MOCS1: variants seen among roughly 807,000 people sequenced by gnomAD.
MOCS1 encodes molybdenum cofactor biosynthesis protein 1.
Under a neutral mutation model 57.6 loss-of-function variants are expected in MOCS1, and 39 were observed. That is an observed-to-expected ratio of 0.68 (90% CI 0.52 to 0.88). The LOEUF (loss-of-function observed/expected upper bound fraction) is 0.88. Among genes scored for constraint, MOCS1 ranks in the 40% least tolerant of loss-of-function variants. The pLI is 0.00. For missense variants in MOCS1, 795 were observed against 831.1 expected (o/e 0.96, Z 0.53); for synonymous variants, 334 against 335.7 (o/e 1.00, Z 0.05).
At chr6:39,932,556 C>T (rs1287411519) in intron 1 of MOCS1, 4 of 152,256 alleles carry the variant, frequency 2.6e-5, no homozygotes, top group Non-Finnish European at 5.9e-5. Flanking sequence ...CCTGCACAAC[C>T]CTGCGTTAAG....
chr6:39,916,333 G>C (rs1767661122), intron 3 of MOCS1, 101 bp from the exon 4 acceptor site: 4 of 1,420,720 alleles, frequency 2.8e-6, no homozygotes, highest in Non-Finnish European at 3.9e-6. Context: ...AAGATGGATG[G>C]AAAAGAGGCT....
At chr6:39,908,285 C>G (rs1007004770) in intron 10 of MOCS1, among the ~76,000 whole-genome samples, 1 of 152,072 alleles carries the variant, frequency 6.6e-6, no homozygotes, top group Admixed American at 6.5e-5. Flanking sequence ...TTTTTCTTTC[C>G]TAGTGGCACA....
At chr6:39,927,477 G>A (rs1768390280) in intron 1 of MOCS1, 22 bp from the exon 2 acceptor site, 2 of 1,610,006 alleles carry the variant, frequency 1.2e-6, no homozygotes, top group Non-Finnish European at 1.7e-6. Context: ...GACCAGGGAG[G>A]AAGCATGGGC....
chr6:39,934,447 G>A lies in MOCS1; in HGVS notation c.-30C>T, dbSNP rs748521963. On this transcript the variant is annotated 5_prime_UTR_variant, in exon 1 of 11. Transcript: ENST00000340692. ...CCTGATACGAGCGGAACCGCAGCCC[G>A]CTTCGGGAGCACACTGGCCGGGCAC... 51 of 1,558,938 alleles carry A rather than the reference G, an allele frequency of 3.3e-5. No homozygotes were observed. The highest frequency in any genetic ancestry group is 3.7e-5 in the Admixed American group (2 of 54,064).
At position 39,906,081 on chromosome 6, in the gene MOCS1, C is replaced by T. The variant is rs1026821447; in HGVS notation, c.*276G>A. ...ACAAAGAACATGATTTCTCAGTTATCTGGCATTGCTTGTTGCAGTCCCGCT... is the reference window on the plus strand; with the variant it reads ...ACAAAGAACATGATTTCTCAGTTATTTGGCATTGCTTGTTGCAGTCCCGCT... On this transcript the variant is annotated 3_prime_UTR_variant, in exon 11 of 11. Coordinates refer to ENST00000340692, the MANE Select transcript of MOCS1 (RefSeq NM_001358530.2). The T allele has an allele frequency of 4.6e-6, 3 of 652,076 alleles. No homozygotes were observed. Among genetic ancestry groups the T allele is most frequent in the African/African-American group, 3.6e-5 (2 of 55,984 alleles). 40.4% of individuals were successfully genotyped at this position (652,076 alleles called of 1,614,324 possible).
chr6:39,928,250 C>T (rs1298678864), intron 1 of MOCS1, among the ~76,000 whole-genome samples: 1 of 151,638 alleles, frequency 6.6e-6, no homozygotes, highest in Non-Finnish European at 1.5e-5. Context: ...CTGCAAACTC[C>T]ACCTCCCAGA....
chr6:39,905,819 T>A lies in MOCS1; in HGVS notation c.*538A>T, dbSNP rs1562080389. On this transcript the variant is annotated 3_prime_UTR_variant, in exon 11 of 11. Transcript: ENST00000340692. ...GACTTGGGCAGAAGGAGAGATGAAG[T>A]CAGGACAGGACAGGACAGGGCAGGG... 2 of 469,284 alleles carry A rather than the reference T, an allele frequency of 4.3e-6. No homozygotes were observed. The highest frequency in any genetic ancestry group is 2.4e-5 in the Admixed American group (1 of 42,474). 29.1% of individuals were successfully genotyped at this position (469,284 alleles called of 1,614,324 possible).
intron 1 of MOCS1, among the ~76,000 whole-genome samples, chr6:39,928,228 G>A (rs1020817370): frequency 1.3e-5 from 2 of 150,394 alleles, no homozygotes; most frequent in African/African-American, 4.9e-5. Flanking sequence ...GCAGTAGCGC[G>A]ATCTTGGCTC....
rs771151055 is a variant in MOCS1 at position 39,906,109 on chromosome 6, C to G, written c.*248G>C. 2.4e-5 allele frequency: 16 copies of G among 671,036 alleles called. No individual in the cohort carries two copies. Among genetic ancestry groups the G allele is most frequent in the Non-Finnish European group, 3.8e-5 (14 of 368,032 alleles). The allele number at this position is 671,036 out of a possible 1,614,324, so 41.6% of individuals were successfully genotyped here. On this transcript the variant is annotated 3_prime_UTR_variant, in exon 11 of 11. Coordinates refer to ENST00000340692, the MANE Select transcript of MOCS1 (RefSeq NM_001358530.2). ...GCATTGCTTGTTGCAGTCCCGCTCC[C>G]ACGACCTTAGTGTCCTGGAAGGCTT... is the stretch of plus-strand genomic sequence containing the variant.
chr6:39,920,132 C>G (rs1767882814), intron 3 of MOCS1, among the ~76,000 whole-genome samples: 1 of 152,094 alleles, frequency 6.6e-6, no homozygotes, highest in African/African-American at 2.4e-5. Context: ...AGGAATTACA[C>G]AGTAAAATAT....
In MOCS1 at chr6:39,927,388, C is replaced by A; in HGVS notation, c.191G>T (p.Ser64Ile). The change falls in exon 2 of 11, where the codon AGC becomes ATC. Residue 64 changes from serine (S) to isoleucine (I), a missense_variant. Ser to Ile is a moderately radical substitution (Grantham distance 142). Transcript: ENST00000340692. Reference protein sequence around the residue: ...AAPFSAFLTDSFGRQHSYLRI... With the variant: ...AAPFSAFLTDIFGRQHSYLRI... ...CAGGTAGCTGTGCTGCCGGCCGAAG[C>A]TGTCTGTGAGGAAGGCGGAGAAGGG... is the stretch of plus-strand genomic sequence containing the variant. 6.2e-7 allele frequency: 1 copy of A among 1,612,824 alleles called. No homozygotes were observed. Among genetic ancestry groups the A allele is most frequent in the Non-Finnish European group, 8.5e-7 (1 of 1,179,890 alleles).
chr6:39,932,783 T>C (rs1768707962), intron 1 of MOCS1, among the ~76,000 whole-genome samples: 1 of 152,242 alleles, frequency 6.6e-6, no homozygotes, highest in Admixed American at 6.5e-5. Context: ...AGCACTTACA[T>C]GGGCTAAGCT....
At chr6:39,908,109 G>C (rs568373420) in intron 10 of MOCS1, among the ~76,000 whole-genome samples, 90 of 152,316 alleles carry the variant, frequency 5.9e-4, no homozygotes, top group African/African-American at 2.1e-3. Context: ...GAGAGGAGAT[G>C]AGAGTCTTCT....
At chr6:39,913,914 C>G in intron 4 of MOCS1, 79 bp from the exon 5 acceptor site, 1 of 1,413,132 alleles carries the variant, frequency 7.1e-7, no homozygotes. Flanking sequence ...AGCACCAGAG[C>G]CCATCTAGTC....
chr6:39,923,310 C>T (rs1768080999), intron 3 of MOCS1, among the ~76,000 whole-genome samples: 1 of 152,332 alleles, frequency 6.6e-6, no homozygotes, highest in South Asian at 2.1e-4. Flanking sequence ...GAAACTGAGG[C>T]CCTCGGTGGG....
At chr6:39,918,302 A>C (rs967080809) in intron 3 of MOCS1, among the ~76,000 whole-genome samples, 7 of 152,256 alleles carry the variant, frequency 4.6e-5, no homozygotes, top group African/African-American at 1.4e-4. Flanking sequence ...AAAGTGCTCA[A>C]GTGAAGCCAA....
chr6:39,932,325 A>C (rs982245363), intron 1 of MOCS1: 4 of 152,210 alleles, frequency 2.6e-5, no homozygotes, highest in African/African-American at 9.7e-5. Flanking sequence ...TCTCCTCAAG[A>C]CAAGTTTCTG....
At chr6:39,923,836 T>C (rs78643010) in intron 3 of MOCS1, among the ~76,000 whole-genome samples, 5,174 of 152,310 alleles carry the variant, frequency 0.034, 147 homozygotes, top group Admixed American at 0.092. Context: ...GCTCCCCTTA[T>C]ACAGCAGCTG....
At chr6:39,915,185 T>A (rs1767585589) in intron 4 of MOCS1, among the ~76,000 whole-genome samples, 1 of 152,214 alleles carries the variant, frequency 6.6e-6, no homozygotes, top group African/African-American at 2.4e-5. Context: ...ATGTCTTATG[T>A]GTCTTCTGTC....
Sources: gnomAD v4.1 joint callset for allele counts (sites outside exome capture counted in the v4.1 genomes callset) on GRCh38, gnomAD v4.1.1 for gene constraint, MANE v1.5 for transcripts, NCBI Gene and HGNC (gene_info 2026-07-23, HGNC 2026-07-21) for gene names.